The following CASTOR2 variants were observed in gnomAD, a reference collection of about 807,000 sequenced individuals.
CASTOR2 encodes the protein GATS protein like 2.
A neutral mutation model predicts 31.2 loss-of-function variants in CASTOR2; 8 were observed. The observed-to-expected ratio is 0.26, with a 90% confidence interval of 0.15 to 0.46. CASTOR2 has a LOEUF of 0.46. Ranked by LOEUF, CASTOR2 falls within the 20% of genes least tolerant of loss-of-function variation. The pLI, the probability that CASTOR2 is intolerant of heterozygous loss-of-function variation, is 0.99. For missense variants in CASTOR2, 216 were observed against 382.1 expected (o/e 0.57, Z 3.62); for synonymous variants, 162 against 158.7 (o/e 1.02, Z -0.16).
chr7:75,029,487 G>A lies in CASTOR2; in HGVS notation c.*4788G>A, dbSNP rs1005439122. Among the ~76,000 whole-genome samples, 3 of 151,800 alleles carry A rather than the reference G, an allele frequency of 2.0e-5. No individual in the cohort carries two copies. Among genetic ancestry groups the A allele is most frequent in the Admixed American group, 6.6e-5 (1 of 15,218 alleles). On this transcript the variant is annotated 3_prime_UTR_variant, in exon 9 of 9. Coordinates refer to ENST00000616305, the MANE Select transcript of CASTOR2 (RefSeq NM_001145064.3). ...GCCTCCCAAGTAGCTGGGATTACAG[G>A]CACCCACCACCACGCTCGGCTAATT...
At chr7:74,994,911 C>G (rs1554437745) in intron 1 of CASTOR2, among the ~76,000 whole-genome samples, 2 of 152,098 alleles carry the variant, frequency 1.3e-5, no homozygotes, top group Non-Finnish European at 2.9e-5. Flanking sequence ...TGAGAGCTGC[C>G]TACGCTGGGG....
At chr7:74,983,822 C>T (rs1457381345) in intron 1 of CASTOR2, among the ~76,000 whole-genome samples, 2 of 151,050 alleles carry the variant, frequency 1.3e-5, no homozygotes, top group Non-Finnish European at 2.9e-5. Flanking sequence ...GGGTCTCGCT[C>T]GGTCACCCAG....
In CASTOR2 at chr7:75,029,020, T is replaced by C. The variant is rs997883052; in HGVS notation, c.*4321T>C. On this transcript the variant is annotated 3_prime_UTR_variant, in exon 9 of 9. Coordinates refer to ENST00000616305, the MANE Select transcript of CASTOR2 (RefSeq NM_001145064.3). ...AGCAGCAGCGTAGCCAGGGTGACAT[T>C]TGTTCAGCAGGAGGAGGCTTGGTCT... is the stretch of plus-strand genomic sequence containing the variant. 1.2e-4 allele frequency among the ~76,000 whole-genome samples: 18 copies of C among 152,322 alleles called. No individual in the cohort carries two copies. Among genetic ancestry groups the C allele is most frequent in the African/African-American group, 4.3e-4 (18 of 41,558 alleles).
At position 75,025,337 on chromosome 7, in the gene CASTOR2, C is replaced by T. The variant is rs919513216; in HGVS notation, c.*638C>T. 8.5e-5 allele frequency among the ~76,000 whole-genome samples: 13 copies of T among 152,182 alleles called. No homozygotes were observed. The highest frequency in any genetic ancestry group is 2.4e-4 in the African/African-American group (10 of 41,444). ...GCCTGCCAACCACAGGGCCTGGGCC[C>T]GACTCCCAGCAAGACTGCCAAGAGG... On this transcript the variant is annotated 3_prime_UTR_variant, in exon 9 of 9. Transcript: ENST00000616305.
chr7:75,028,071 G>T lies in CASTOR2; in HGVS notation c.*3372G>T, dbSNP rs1381010051. On this transcript the variant is annotated 3_prime_UTR_variant, in exon 9 of 9. Coordinates refer to ENST00000616305, the MANE Select transcript of CASTOR2 (RefSeq NM_001145064.3). Reference sequence around the variant, plus strand: ...CTGTTGTCTTGGCGCTGGCGGATGGGGCAGGTGCCTGGCGGGGGAGGAAGA... The same window carrying T: ...CTGTTGTCTTGGCGCTGGCGGATGGTGCAGGTGCCTGGCGGGGGAGGAAGA... 1.1e-5 allele frequency: 17 copies of T among 1,533,498 alleles called. No individual in the cohort carries two copies. In the African/African-American group the frequency reaches 1.6e-4, roughly 15 times the overall value. 95.0% of individuals were successfully genotyped at this position (1,533,498 alleles called of 1,614,324 possible). A position where few individuals can be genotyped will look rare whatever the true frequency, so the allele number is the denominator to read the frequency against.
At chr7:74,972,473 CT>C (rs1200094904) in intron 1 of CASTOR2, among the ~76,000 whole-genome samples, 1 of 151,190 alleles carries the variant, frequency 6.6e-6, no homozygotes, top group African/African-American at 2.4e-5. Context: ...AAATTCCATT[CT>C]AGAAAGTCCA....
chr7:74,989,985 C>A (rs1470371670), intron 1 of CASTOR2, among the ~76,000 whole-genome samples: 1 of 152,026 alleles, frequency 6.6e-6, no homozygotes, highest in African/African-American at 2.4e-5. Context: ...AAAATCTGTA[C>A]ATTTTGTTAT....
chr7:75,026,816 T>C lies in CASTOR2; in HGVS notation c.*2117T>C, dbSNP rs1192697770. On this transcript the variant is annotated 3_prime_UTR_variant, in exon 9 of 9. Transcript: ENST00000616305. ...TGCAAGGCCTTGATTTTCCTTTCTG[T>C]CATTTCCCCCTGACGGTGTCACTTC... Among the ~76,000 whole-genome samples, 2 of 152,138 alleles carry C rather than the reference T, an allele frequency of 1.3e-5. No individual in the cohort carries two copies. The highest frequency in any genetic ancestry group is 4.8e-5 in the African/African-American group (2 of 41,422).
intron 1 of CASTOR2, among the ~76,000 whole-genome samples, chr7:74,977,961 G>C (rs1470262380): frequency 2.0e-5 from 3 of 150,552 alleles, no homozygotes; most frequent in African/African-American, 7.3e-5. Flanking sequence ...TTACAGGTGT[G>C]AGCTACAGCG....
At position 75,026,180 on chromosome 7, in the gene CASTOR2, C is replaced by T. The variant is rs1433415446; in HGVS notation, c.*1481C>T. ...ACCAAGGGCCCCTGTGGTTTTGGCT[C>T]TGGCGGGGGTTTTTTTTTTTTTTTT... is the stretch of plus-strand genomic sequence containing the variant. On this transcript the variant is annotated 3_prime_UTR_variant, in exon 9 of 9. Coordinates refer to ENST00000616305, the MANE Select transcript of CASTOR2 (RefSeq NM_001145064.3). Among the ~76,000 whole-genome samples, 2 of 108,902 alleles carry T rather than the reference C, an allele frequency of 1.8e-5. No individual in the cohort carries two copies. The highest frequency in any genetic ancestry group is 4.1e-5 in the Non-Finnish European group (2 of 48,976). 71.4% of individuals were successfully genotyped at this position (108,902 alleles called of 152,430 possible).
chr7:75,007,754 G>A (rs1465540409), intron 1 of CASTOR2: 43 of 613,772 alleles, frequency 7.0e-5, no homozygotes, highest in Middle Eastern at 4.5e-4. Context: ...GACTGGCTCC[G>A]AGGTCCCCAA....
At chr7:75,010,913 C>T (rs1465006359) in intron 2 of CASTOR2, among the ~76,000 whole-genome samples, 2 of 151,602 alleles carry the variant, frequency 1.3e-5, no homozygotes, top group African/African-American at 2.4e-5. Flanking sequence ...AGTGCAGTGG[C>T]GTGATCTTGG....
At chr7:74,985,297 C>CTG (rs1804036065) in intron 1 of CASTOR2, among the ~76,000 whole-genome samples, 1 of 151,996 alleles carries the variant, frequency 6.6e-6, no homozygotes, top group South Asian at 2.1e-4. Flanking sequence ...TCAAGAGTCA[C>CTG]TGTCAGGGGG....
At chr7:74,992,058 G>A (rs1388975664) in intron 1 of CASTOR2, among the ~76,000 whole-genome samples, 3 of 152,072 alleles carry the variant, frequency 2.0e-5, no homozygotes, top group South Asian at 2.1e-4. Flanking sequence ...GGGGTCAATC[G>A]AAGAGGGCTT....
At chr7:75,000,164 T>C (rs1205828258) in intron 1 of CASTOR2, among the ~76,000 whole-genome samples, 1 of 152,196 alleles carries the variant, frequency 6.6e-6, no homozygotes, top group Non-Finnish European at 1.5e-5. Context: ...AGTTGGAGGC[T>C]GCAGTGAACT....
intron 1 of CASTOR2, among the ~76,000 whole-genome samples, chr7:74,977,851 G>A (rs1419441921): frequency 1.0e-4 from 15 of 149,814 alleles, no homozygotes; most frequent in African/African-American, 3.4e-4. Context: ...GATAATTTTT[G>A]TTTTTTTTGT....
In CASTOR2 at chr7:75,026,548, TTCCC is replaced by T. The variant is rs1246270052; in HGVS notation, c.*1851_*1854del. Among the ~76,000 whole-genome samples the T allele has an allele frequency of 6.6e-6, 1 of 152,198 alleles. No individual in the cohort carries two copies. The highest frequency in any genetic ancestry group is 1.5e-5 in the Non-Finnish European group (1 of 68,028). On this transcript the variant is annotated 3_prime_UTR_variant, in exon 9 of 9. Coordinates refer to ENST00000616305, the MANE Select transcript of CASTOR2 (RefSeq NM_001145064.3). ...GATATTTTCTAGTCCTGACAAAGTGTTCCCTGCTTCTCTGAGTGGGACCCTCTGA... is the reference window on the plus strand; with the variant it reads ...GATATTTTCTAGTCCTGACAAAGTGTTGCTTCTCTGAGTGGGACCCTCTGA...
intron 7 of CASTOR2, among the ~76,000 whole-genome samples, chr7:75,022,612 A>G (rs892878348): frequency 1.1e-4 from 17 of 152,022 alleles, no homozygotes; most frequent in Admixed American, 4.6e-4. Flanking sequence ...AGCCTGGCCA[A>G]TATGACGAAA....
chr7:75,020,701 A>C (rs1037589897), intron 6 of CASTOR2, among the ~76,000 whole-genome samples: 2 of 151,644 alleles, frequency 1.3e-5, no homozygotes, highest in Non-Finnish European at 2.9e-5. Context: ...ATGTTAGCCA[A>C]GATGGTCTGG....
Sources: gnomAD v4.1 joint callset for allele counts (sites outside exome capture counted in the v4.1 genomes callset) on GRCh38, gnomAD v4.1.1 for gene constraint, MANE v1.5 for transcripts, NCBI Gene and HGNC (gene_info 2026-07-23, HGNC 2026-07-21) for gene names.